The following SPTBN4 variants were observed in gnomAD, a reference collection of about 807,000 sequenced individuals.
SPTBN4 encodes the protein spectrin beta chain, non-erythrocytic 4.
Under a neutral mutation model 277.8 loss-of-function variants are expected in SPTBN4, and 96 were observed. The ratio of observed to expected loss-of-function variants is 0.35; its 90% CI spans 0.29 to 0.41. The LOEUF (loss-of-function observed/expected upper bound fraction) is 0.41, where lower values mean the gene tolerates loss of function less well. Ranked by LOEUF, SPTBN4 falls within the 10% of genes least tolerant of loss-of-function variation. The pLI, the probability that SPTBN4 is intolerant of heterozygous loss-of-function variation, is 1.00. For missense variants in SPTBN4, 3,006 were observed against 3,595.7 expected (o/e 0.84, Z 4.19); for synonymous variants, 1,481 against 1,580.3 (o/e 0.94, Z 1.49).
intron 20 of SPTBN4, among the ~76,000 whole-genome samples, chr19:40,542,161 A>T (rs1425850622): frequency 6.6e-6 from 1 of 152,104 alleles, no homozygotes; most frequent in East Asian, 1.9e-4. Context: ...ACCTCAGGTG[A>T]TCTGCCTACC....
chr19:40,530,939 T>C (rs2080662510), intron 18 of SPTBN4: 1 of 146,438 alleles, frequency 6.8e-6, no homozygotes, highest in South Asian at 2.3e-4. Context: ...GCATCTAAGA[T>C]TTGCCCTGGG....
chr19:40,575,544 G>A lies in SPTBN4; in HGVS notation c.7670G>A (p.Arg2557His). 1.9e-6 allele frequency: 3 copies of A among 1,611,740 alleles called. No homozygotes were observed. The highest frequency in any genetic ancestry group is 2.5e-6 in the Non-Finnish European group (3 of 1,179,402). The change falls in exon 36 of 36, where the codon CGC becomes CAC. Residue 2557 changes from arginine (R) to histidine (H), a missense_variant. Physicochemically the swap from Arg to His is conservative, Grantham distance 29. Coordinates refer to ENST00000598249, the MANE Select transcript of SPTBN4 (RefSeq NM_020971.3). ...EGNPKREGGD[R>H]RASGRRK is the part of the protein sequence containing the mutation. ...AACCCTAAGAGGGAAGGCGGAGATC[G>A]CAGGGCCAGCGGGCGCAGGAAGTGA...
rs1254570177 is a variant in SPTBN4 at position 40,519,878 on chromosome 19, G to A, written c.3381G>A (p.Ala1127=). The A allele has an allele frequency of 6.6e-7, 1 of 1,505,680 alleles. No individual in the cohort carries two copies. The highest frequency in any genetic ancestry group is 2.4e-5 in the Admixed American group (1 of 41,756). 93.3% of individuals were successfully genotyped at this position (1,505,680 alleles called of 1,614,324 possible). The part of the protein sequence containing the change: ...PLPNSLEEAD[A]LLARHAALKE... The stretch of plus-strand genomic sequence containing the variant: ...CCAACAGCCTAGAAGAGGCGGACGC[G>A]CTGCTGGCGCGCCACGCTGCGCTCA... The change falls in exon 16 of 36, where the codon GCG becomes GCA. Residue 1127 remains alanine, a synonymous_variant. Coordinates refer to ENST00000598249, the MANE Select transcript of SPTBN4 (RefSeq NM_020971.3). This position sits in a 1 kb window ranked among gnomAD's most constrained non-coding sequence, Gnocchi z 5.7.
At position 40,558,068 on chromosome 19, in the gene SPTBN4, C is replaced by T. The variant is rs377097913; in HGVS notation, c.5670+665C>T. On this transcript the variant is annotated intron_variant, in intron 26 of 35. Transcript: ENST00000598249. ...GGCTGTGGTGTAGATAGAAATTAGA[C>T]GACAGACAAGGCCAGGTGCGGTGGC... Among the ~76,000 whole-genome samples, 285 of 151,702 alleles carry T rather than the reference C, an allele frequency of 1.9e-3. 3 individuals are homozygous for T. The highest frequency in any genetic ancestry group is 6.7e-3 in the African/African-American group (275 of 41,340).
In SPTBN4 at chr19:40,472,744, C is replaced by T. The variant is rs766771630; in HGVS notation, c.123C>T (p.Thr41=). The change falls in exon 2 of 36, where the codon ACC becomes ACT. Residue 41 remains threonine, a synonymous_variant. Transcript: ENST00000598249. ...GWEREQPAAS[T]AAASLFECSR... Reference sequence around the variant, plus strand: ...AGCGGGAGCAGCCGGCTGCGTCCACCGCAGCGGCCTCGCTCTTTGAGTGCT... The same window carrying T: ...AGCGGGAGCAGCCGGCTGCGTCCACTGCAGCGGCCTCGCTCTTTGAGTGCT... The T allele has an allele frequency of 2.0e-5, 32 of 1,604,920 alleles. No homozygotes were observed. Among genetic ancestry groups the T allele is most frequent in the African/African-American group, 2.7e-5 (2 of 74,720 alleles).
At chr19:40,477,869 G>A (rs924199966) in intron 2 of SPTBN4, among the ~76,000 whole-genome samples, 5 of 151,978 alleles carry the variant, frequency 3.3e-5, no homozygotes, top group African/African-American at 1.2e-4. Flanking sequence ...ACGGAGTTTC[G>A]CTCTTGTTGT....
chr19:40,557,546 G>C, intron 26 of SPTBN4, 143 bp downstream of exon 26: 1 of 989,812 alleles, frequency 1.0e-6, no homozygotes. Flanking sequence ...GAAGAAATTA[G>C]ATAATGGAGC....
Position 40,515,778 on chromosome 19 carries a change from T to C in SPTBN4, c.2903+330T>C, listed in dbSNP as rs1368504188. ...GTGGCTCATACTGTAATCCCAGCAC[T>C]TCAGGAGGCTGAGATGGGTGGATCA... is the stretch of plus-strand genomic sequence containing the variant. On this transcript the variant is annotated intron_variant, in intron 15 of 35. Coordinates refer to ENST00000598249, the MANE Select transcript of SPTBN4 (RefSeq NM_020971.3). This position sits in a 1 kb window ranked among gnomAD's most constrained non-coding sequence, Gnocchi z 4.1. Among the ~76,000 whole-genome samples, 1 of 151,404 alleles carries C rather than the reference T, an allele frequency of 6.6e-6. No individual in the cohort carries two copies. Among genetic ancestry groups the C allele is most frequent in the East Asian group, 1.9e-4 (1 of 5,160 alleles).
chr19:40,482,768 C>T (rs903268736), intron 2 of SPTBN4, among the ~76,000 whole-genome samples: 1 of 151,758 alleles, frequency 6.6e-6, no homozygotes, highest in Admixed American at 6.6e-5. Context: ...TCGAGACCAA[C>T]CTGACCAACA....
At chr19:40,525,173 C>T (rs182961131) in intron 17 of SPTBN4, among the ~76,000 whole-genome samples, 11 of 152,258 alleles carry the variant, frequency 7.2e-5, no homozygotes, top group Admixed American at 1.3e-4. Flanking sequence ...TTTCTGTTTA[C>T]GGCTCAGACA....
At chr19:40,493,768 AAAAAT>A (rs766016488) in intron 5 of SPTBN4, among the ~76,000 whole-genome samples, 1 of 152,150 alleles carries the variant, frequency 6.6e-6, no homozygotes, top group Non-Finnish European at 1.5e-5. Flanking sequence ...ACAAATAAAT[AAAAAT>A]AAAATAGAAC....
Position 40,490,989 on chromosome 19 carries a change from C to T in SPTBN4, c.495+741C>T, listed in dbSNP as rs1164524789. On this transcript the variant is annotated intron_variant, in intron 4 of 35. Transcript: ENST00000598249. The surrounding 1 kb of genome is among the most constrained non-coding windows in gnomAD (Gnocchi z 4.3). ...CCCAGCAGTGTGAGGCTGCCGTGAG[C>T]TATGATCATGCCACTGCACTCCAGC... Among the ~76,000 whole-genome samples the T allele has an allele frequency of 2.0e-5, 3 of 151,978 alleles. No individual in the cohort carries two copies. The highest frequency in any genetic ancestry group is 2.0e-4 in the Admixed American group (3 of 15,236).
chr19:40,470,621 T>G (rs754367243), intron 1 of SPTBN4, among the ~76,000 whole-genome samples: 6 of 144,452 alleles, frequency 4.2e-5, no homozygotes, highest in Non-Finnish European at 7.6e-5. Context: ...CACTTTAAAT[T>G]TTTCTTCTTC....
At position 40,512,820 on chromosome 19, in the gene SPTBN4, C is replaced by A. The variant is rs1479986490; in HGVS notation, c.2031C>A (p.Gly677=). Residue 677 remains glycine (G), a synonymous_variant, in exon 14 of 36, where the codon GGC becomes GGA. Transcript: ENST00000598249. ...CTGCGGGCGGCGGCGGTGCGGCGGG[C>A]GCAGCGGGCGCAGCGGGAACAGCGG... is the stretch of plus-strand genomic sequence containing the variant. ...LEAAGGGGAA[G]AAGAAGTAGG... The A allele has an allele frequency of 2.1e-6, 3 of 1,443,258 alleles. No individual in the cohort carries two copies. The African/African-American group carries it at 4.5e-5, about 22-fold the overall frequency. 89.4% of individuals were successfully genotyped at this position (1,443,258 alleles called of 1,614,324 possible). A position where few individuals can be genotyped will look rare whatever the true frequency, so the allele number is the denominator to read the frequency against.
Position 40,566,159 on chromosome 19 carries a change from T to G in SPTBN4, c.6140-4T>G. On this transcript the variant is annotated splice_region_variant and splice_polypyrimidine_tract_variant and intron_variant, in intron 29 of 35. Coordinates refer to ENST00000598249, the MANE Select transcript of SPTBN4 (RefSeq NM_020971.3). ...GAATCCTTACCCTGCATGCCCCTCC[T>G]CAGTGCTGGAGGTGCACCAGTTTGC... 1 of 1,505,816 alleles carries G rather than the reference T, an allele frequency of 6.6e-7. No homozygotes were observed. The highest frequency in any genetic ancestry group is 8.9e-7 in the Non-Finnish European group (1 of 1,121,358). 93.3% of individuals were successfully genotyped at this position (1,505,816 alleles called of 1,614,324 possible).
intron 20 of SPTBN4, chr19:40,534,779 T>C (rs1275866139): frequency 5.8e-6 from 1 of 172,836 alleles, no homozygotes; most frequent in Admixed American, 5.5e-5. Flanking sequence ...GGTACTGTTA[T>C]TATCCTGTTT....
At chr19:40,550,147 C>T in intron 21 of SPTBN4, 91 bp from the exon 22 acceptor site, 2 of 1,045,196 alleles carry the variant, frequency 1.9e-6, no homozygotes, top group Non-Finnish European at 2.9e-6. Flanking sequence ...CAAGGAAGGG[C>T]CTGGGATGCC....
chr19:40,554,640 C>G lies in SPTBN4; in HGVS notation c.5078C>G (p.Pro1693Arg), dbSNP rs768352116. ...QCRALLEMGH[P>R]DSEQISRRQS... ...CGGGCGCTGCTGGAGATGGGGCACC[C>G]GGACAGGTGGGCGGGCGCGTGGCCA... Residue 1693 changes from proline to arginine, a missense_variant, in exon 24 of 36, where the codon CCG becomes CGG. Coordinates refer to ENST00000598249, the MANE Select transcript of SPTBN4 (RefSeq NM_020971.3). This position sits in a 1 kb window ranked among gnomAD's most constrained non-coding sequence, Gnocchi z 5.7. The G allele has an allele frequency of 6.3e-7, 1 of 1,588,206 alleles. No homozygotes were observed. Among genetic ancestry groups the G allele is most frequent in the East Asian group, 2.3e-5 (1 of 44,140 alleles).
At chr19:40,567,265 C>T (rs1359892592) in intron 30 of SPTBN4, 1 of 258,074 alleles carries the variant, frequency 3.9e-6, no homozygotes, top group East Asian at 1.1e-4. Flanking sequence ...GCTGCTTGCA[C>T]TCCAGCCTGG....
Sources: gnomAD v4.1 joint callset for allele counts (sites outside exome capture counted in the v4.1 genomes callset) on GRCh38, gnomAD v4.1.1 for gene constraint, Gnocchi (gnomAD v3.1) non-coding constraint, MANE v1.5 for transcripts, NCBI Gene and HGNC (gene_info 2026-07-23, HGNC 2026-07-21) for gene names.